The following KCNH8 variants were observed in gnomAD, a reference collection of about 807,000 sequenced individuals.
KCNH8 encodes the protein voltage-gated delayed rectifier potassium channel KCNH8.
In KCNH8, 70 loss-of-function variants were observed where a neutral mutation model predicts 103.6. The ratio of observed to expected loss-of-function variants is 0.68; its 90% CI spans 0.56 to 0.82. The LOEUF is 0.82. Ranked by LOEUF, KCNH8 falls within the 40% of genes least tolerant of loss-of-function variation. The pLI, the probability that KCNH8 is intolerant of heterozygous loss-of-function variation, is 0.00. For missense variants in KCNH8, 1,217 were observed against 1,329.9 expected, an observed-to-expected ratio of 0.92 and a Z score of 1.32; for synonymous variants, 498 against 489.4, an observed-to-expected ratio of 1.02 and a Z score of -0.23.
At chr3:19,459,066 G>C (rs1032407054) in intron 11 of KCNH8, among the ~76,000 whole-genome samples, 1 of 151,974 alleles carries the variant, frequency 6.6e-6, no homozygotes, top group South Asian at 2.1e-4. Flanking sequence ...AAATGGGAGT[G>C]CATATATCTC....
At chr3:19,473,564 T>G (rs2067907847) in intron 11 of KCNH8, among the ~76,000 whole-genome samples, 1 of 152,188 alleles carries the variant, frequency 6.6e-6, no homozygotes, top group African/African-American at 2.4e-5. Flanking sequence ...TGCTCCATCT[T>G]TAAGAGTAAA....
intron 1 of KCNH8, among the ~76,000 whole-genome samples, chr3:19,226,402 G>C (rs911481312): frequency 6.6e-6 from 1 of 152,078 alleles, no homozygotes; most frequent in Non-Finnish European, 1.5e-5. Flanking sequence ...CATTACAAGG[G>C]CATGCTTGAT....
intron 1 of KCNH8, among the ~76,000 whole-genome samples, chr3:19,149,165 C>T (rs1661083384): frequency 6.6e-6 from 1 of 152,092 alleles, no homozygotes; most frequent in Non-Finnish European, 1.5e-5. Context: ...AGTTTCAAGG[C>T]TCCCTAGATC....
chr3:19,503,065 TCAAA>T (rs1276846449), intron 11 of KCNH8, among the ~76,000 whole-genome samples: 1 of 151,142 alleles, frequency 6.6e-6, no homozygotes, highest in Non-Finnish European at 1.5e-5. Flanking sequence ...TACAATGAAC[TCAAA>T]CAAATTTACA....
chr3:19,437,319 T>C (rs2067214103), intron 7 of KCNH8, among the ~76,000 whole-genome samples: 1 of 152,194 alleles, frequency 6.6e-6, no homozygotes, highest in Non-Finnish European at 1.5e-5. Context: ...ATTTTTGTGT[T>C]GTGTTTAAAT....
chr3:19,350,613 CAG>C (rs1175853838), intron 5 of KCNH8, among the ~76,000 whole-genome samples: 3 of 152,142 alleles, frequency 2.0e-5, no homozygotes, highest in African/African-American at 7.2e-5. Flanking sequence ...CCTAGGCAAA[CAG>C]GGTCTAGAGT....
intron 3 of KCNH8, among the ~76,000 whole-genome samples, chr3:19,324,098 G>T (rs1175648758): frequency 1.3e-5 from 2 of 152,106 alleles, no homozygotes; most frequent in African/African-American, 4.8e-5. Flanking sequence ...GGCTACCAGG[G>T]TGGGTAGAGA....
At position 19,400,631 on chromosome 3, in the gene KCNH8, G is replaced by A. The variant is rs138381617; in HGVS notation, c.1177+5320G>A. 7.0e-3 allele frequency among the ~76,000 whole-genome samples: 1,066 copies of A among 151,988 alleles called. 5 individuals are homozygous for A. The highest frequency in any genetic ancestry group is 0.011 in the Non-Finnish European group (779 of 67,914). ...GTGTATCTGTATCATGCGGGGTAGG[G>A]TGGGAAGGCCAAGAATCTAGAATGG... On this transcript the variant is annotated intron_variant, in intron 7 of 15. Transcript: ENST00000328405.
Position 19,534,257 on chromosome 3 carries a change from C to G in KCNH8, c.*158C>G. 3 of 608,634 alleles carry G rather than the reference C, an allele frequency of 4.9e-6. No homozygotes were observed. The South Asian group carries it at 6.2e-5, about 13-fold the overall frequency. The allele number at this position is 608,634 out of a possible 1,614,324, so 37.7% of individuals were successfully genotyped here. A position where few individuals can be genotyped will look rare whatever the true frequency, so the allele number is the denominator to read the frequency against. ...AGGGAAAGGCAGAACCACCTCCATG[C>G]TGTAGCAAACAATTTCTAGATACTA... On this transcript the variant is annotated 3_prime_UTR_variant, in exon 16 of 16. Transcript: ENST00000328405.
At position 19,379,340 on chromosome 3, in the gene KCNH8, A is replaced by G. The variant is rs368244912; in HGVS notation, c.812-11141A>G. 6.6e-5 allele frequency among the ~76,000 whole-genome samples: 10 copies of G among 152,304 alleles called. No homozygotes were observed. In the South Asian group the frequency reaches 1.7e-3, roughly 25 times the overall value. On this transcript the variant is annotated intron_variant, in intron 5 of 15. Transcript: ENST00000328405. The stretch of plus-strand genomic sequence containing the variant: ...TAGCATAGCATTAGTACTGACAAGC[A>G]TTCAAATGCTAAATAAGAAGGCCGG...
intron 11 of KCNH8, among the ~76,000 whole-genome samples, chr3:19,474,551 G>T (rs1323754451): frequency 6.6e-6 from 1 of 152,190 alleles, no homozygotes; most frequent in Non-Finnish European, 1.5e-5. Flanking sequence ...CCAGCATGTG[G>T]TGATGACAAC....
chr3:19,499,836 T>C (rs1408228746), intron 11 of KCNH8, among the ~76,000 whole-genome samples: 1 of 152,056 alleles, frequency 6.6e-6, no homozygotes, highest in African/African-American at 2.4e-5. Flanking sequence ...TGCAAAATCA[T>C]GCCAAAAAGT....
chr3:19,481,312 G>T (rs191245973), intron 11 of KCNH8, among the ~76,000 whole-genome samples: 1 of 152,056 alleles, frequency 6.6e-6, no homozygotes, highest in East Asian at 1.9e-4. Flanking sequence ...CCTCCCCAAA[G>T]GCTTCATTGC....
chr3:19,492,246 G>C (rs2068338637), intron 11 of KCNH8, among the ~76,000 whole-genome samples: 1 of 152,002 alleles, frequency 6.6e-6, no homozygotes, highest in Admixed American at 6.6e-5. Flanking sequence ...AAAATTCTTT[G>C]CCAACACTAA....
intron 4 of KCNH8, among the ~76,000 whole-genome samples, 191 bp downstream of exon 4, chr3:19,342,905 A>G (rs1377208339): frequency 1.3e-5 from 2 of 152,136 alleles, no homozygotes; most frequent in Non-Finnish European, 1.5e-5. Flanking sequence ...TAATAAAAGT[A>G]CTTAATCATA....
At chr3:19,492,738 T>C (rs761839244) in intron 11 of KCNH8, among the ~76,000 whole-genome samples, 11 of 152,158 alleles carry the variant, frequency 7.2e-5, no homozygotes, top group Non-Finnish European at 1.6e-4. Flanking sequence ...GGTAGTTCAA[T>C]AGGAGTAGCA....
chr3:19,318,591 A>T (rs1418917522), intron 3 of KCNH8, among the ~76,000 whole-genome samples: 1 of 151,130 alleles, frequency 6.6e-6, no homozygotes, highest in Non-Finnish European at 1.5e-5. Context: ...AGGTTGCTGC[A>T]AATGCCATTA....
intron 11 of KCNH8, among the ~76,000 whole-genome samples, chr3:19,500,628 C>A (rs564755856): frequency 2.1e-4 from 32 of 152,288 alleles, no homozygotes; most frequent in African/African-American, 7.5e-4. Context: ...TTAAGAATCT[C>A]ACTCAAAACC....
chr3:19,458,099 A>G (rs2067562147), intron 11 of KCNH8, among the ~76,000 whole-genome samples: 1 of 152,058 alleles, frequency 6.6e-6, no homozygotes, highest in African/African-American at 2.4e-5. Context: ...ATGGAAGAGA[A>G]AACAAATTCA....
Sources: gnomAD v4.1 joint callset for allele counts (sites outside exome capture counted in the v4.1 genomes callset) on GRCh38, gnomAD v4.1.1 for gene constraint, MANE v1.5 for transcripts, NCBI Gene and HGNC (gene_info 2026-07-23, HGNC 2026-07-21) for gene names.